The following CNTNAP2 variants were observed in gnomAD, a reference collection of about 807,000 sequenced individuals.
CNTNAP2 encodes contactin-associated protein-like 2.
A neutral mutation model predicts 155.2 loss-of-function variants in CNTNAP2; 98 were observed. The ratio of observed to expected loss-of-function variants is 0.63; its 90% CI spans 0.54 to 0.75. The LOEUF is 0.75. Ranked by LOEUF, CNTNAP2 falls within the 30% of genes least tolerant of loss-of-function variation. CNTNAP2 has a pLI of 0.00. For missense variants in CNTNAP2, 1,727 were observed against 1,688.1 expected, an observed-to-expected ratio of 1.02 and a Z score of -0.40; for synonymous variants, 651 against 631.2, an observed-to-expected ratio of 1.03 and a Z score of -0.47.
intron 13 of CNTNAP2, among the ~76,000 whole-genome samples, chr7:147,901,412 A>G (rs948719980): frequency 1.3e-5 from 2 of 152,220 alleles, no homozygotes; most frequent in South Asian, 2.1e-4. Context: ...GGATAAACCA[A>G]TGAAAAATAA....
At chr7:146,903,135 TGTTCA>T (rs1273935623) in intron 3 of CNTNAP2, among the ~76,000 whole-genome samples, 1 of 152,208 alleles carries the variant, frequency 6.6e-6, no homozygotes, top group Non-Finnish European at 1.5e-5. Context: ...AACAGGGTAT[TGTTCA>T]GTTCAGGTAA....
intron 9 of CNTNAP2, among the ~76,000 whole-genome samples, chr7:147,380,176 T>C (rs1216474694): frequency 2.0e-5 from 3 of 151,986 alleles, no homozygotes; most frequent in Non-Finnish European, 4.4e-5. Context: ...TTATAAACTT[T>C]TGGGGTGCAG....
intron 18 of CNTNAP2, among the ~76,000 whole-genome samples, chr7:148,183,222 C>A (rs528509301): frequency 1.3e-5 from 2 of 152,228 alleles, no homozygotes; most frequent in East Asian, 1.9e-4. Flanking sequence ...AGTGAGAGAC[C>A]CCCATGGATA....
At chr7:147,782,409 T>A (rs1171713160) in intron 13 of CNTNAP2, among the ~76,000 whole-genome samples, 1 of 152,164 alleles carries the variant, frequency 6.6e-6, no homozygotes, top group Non-Finnish European at 1.5e-5. Flanking sequence ...TACCTTAAAA[T>A]GGGTAATTTA....
chr7:146,936,541 G>A (rs575165361), intron 3 of CNTNAP2, among the ~76,000 whole-genome samples: 4 of 152,292 alleles, frequency 2.6e-5, no homozygotes, highest in East Asian at 1.9e-4. Context: ...GACCAAAAGC[G>A]GGGAATTGTT....
chr7:146,663,294 A>AAAAG (rs1800126862), intron 1 of CNTNAP2, among the ~76,000 whole-genome samples: 5 of 102,990 alleles, frequency 4.9e-5, no homozygotes, highest in Non-Finnish European at 7.7e-5. Flanking sequence ...AAAAAAAAAA[A>AAAAG]AAAAGAAAGA....
At chr7:147,126,115 A>G (rs1455850095) in intron 6 of CNTNAP2, among the ~76,000 whole-genome samples, 2 of 152,174 alleles carry the variant, frequency 1.3e-5, no homozygotes, top group Non-Finnish European at 2.9e-5. Context: ...TCATGAGACC[A>G]AAACTGGCTT....
rs1185203774 is a variant in CNTNAP2, at chr7:146,220,127, C to T, written c.97+103154C>T. ...TGACTTTTGCCTTTTCAAATGATGT[C>T]TTAATTACCGTTGATATATTTTATA... On this transcript the variant is annotated intron_variant, in intron 1 of 23. Transcript: ENST00000361727. Among the ~76,000 whole-genome samples, 3 of 152,058 alleles carry T rather than the reference C, an allele frequency of 2.0e-5. No individual in the cohort carries two copies. The East Asian group carries it at 5.8e-4, about 29-fold the overall frequency.
chr7:148,191,178 A>G (rs1487315732), intron 18 of CNTNAP2, among the ~76,000 whole-genome samples: 1 of 152,204 alleles, frequency 6.6e-6, no homozygotes, highest in East Asian at 1.9e-4. Flanking sequence ...CTCCACCCTC[A>G]TGAATGGATT....
intron 14 of CNTNAP2, among the ~76,000 whole-genome samples, chr7:147,933,667 C>G (rs1800551449): frequency 6.6e-6 from 1 of 152,060 alleles, no homozygotes; most frequent in Non-Finnish European, 1.5e-5. Flanking sequence ...GTGTTCGGGA[C>G]CAGCCTGACC....
At chr7:146,216,444 T>C (rs1799114513) in intron 1 of CNTNAP2, among the ~76,000 whole-genome samples, 1 of 152,220 alleles carries the variant, frequency 6.6e-6, no homozygotes, top group Non-Finnish European at 1.5e-5. Context: ...GGTGCTGCAG[T>C]TAAAGAGTTA....
intron 2 of CNTNAP2, among the ~76,000 whole-genome samples, chr7:146,805,131 G>A (rs1345190291): frequency 6.6e-6 from 1 of 152,150 alleles, no homozygotes; most frequent in African/African-American, 2.4e-5. Flanking sequence ...AGGAATCATA[G>A]TGTTTGGGGT....
At chr7:146,209,569 T>G (rs1348648306) in intron 1 of CNTNAP2, among the ~76,000 whole-genome samples, 2 of 152,318 alleles carry the variant, frequency 1.3e-5, no homozygotes, top group African/African-American at 2.4e-5. Context: ...TATTTATACC[T>G]TAAAGAAGAA....
At chr7:146,748,145 T>TTC (rs1554475980) in intron 1 of CNTNAP2, among the ~76,000 whole-genome samples, 2 of 138,910 alleles carry the variant, frequency 1.4e-5, no homozygotes, top group African/African-American at 5.4e-5. Context: ...TTTCTTTTCT[T>TTC]TTTTTTTTTT....
intron 12 of CNTNAP2, among the ~76,000 whole-genome samples, chr7:147,590,671 A>G (rs1174442879): frequency 6.6e-6 from 1 of 152,224 alleles, no homozygotes; most frequent in Non-Finnish European, 1.5e-5. Flanking sequence ...CTGCTCTCAC[A>G]GAGTTTGAAC....
intron 18 of CNTNAP2, among the ~76,000 whole-genome samples, chr7:148,179,455 C>T (rs1190896306): frequency 1.3e-5 from 2 of 150,636 alleles, no homozygotes; most frequent in Non-Finnish European, 2.9e-5. Context: ...TTCAATCAGC[C>T]GAGATTGTGC....
At chr7:147,981,188 G>A (rs1365197082) in intron 15 of CNTNAP2, among the ~76,000 whole-genome samples, 1 of 152,148 alleles carries the variant, frequency 6.6e-6, no homozygotes, top group Non-Finnish European at 1.5e-5. Context: ...ACAAAAGATG[G>A]AACAGAGAAT....
At chr7:148,278,842 G>C (rs1171320884) in intron 21 of CNTNAP2, among the ~76,000 whole-genome samples, 1 of 152,240 alleles carries the variant, frequency 6.6e-6, no homozygotes, top group South Asian at 2.1e-4. Flanking sequence ...AGTCGTCTTT[G>C]AGAAGGCAAT....
At chr7:147,135,385 C>A (rs1479654547) in intron 8 of CNTNAP2, among the ~76,000 whole-genome samples, 1 of 151,762 alleles carries the variant, frequency 6.6e-6, no homozygotes, top group Non-Finnish European at 1.5e-5. Flanking sequence ...AACAAAAAAC[C>A]CTACTTACTT....
Sources: gnomAD v4.1 joint callset for allele counts (sites outside exome capture counted in the v4.1 genomes callset) on GRCh38, gnomAD v4.1.1 for gene constraint, MANE v1.5 for transcripts, NCBI Gene and HGNC (gene_info 2026-07-23, HGNC 2026-07-21) for gene names.